The following FADS2 variants were observed in gnomAD, a reference collection of about 807,000 sequenced individuals.
The protein encoded by FADS2 is fatty acid desaturase 2.
FADS2 carries 18 observed loss-of-function variants against 61.2 expected under a neutral mutation model. The observed-to-expected ratio is 0.29, with a 90% CI of 0.20 to 0.44. The LOEUF is 0.44. Among genes scored for constraint, FADS2 ranks in the 20% least tolerant of loss-of-function variants. The probability of loss-of-function intolerance (pLI) is 1.00; values close to 1 mark genes in which losing one functional copy is unlikely to be tolerated. For missense variants in FADS2, 322 were observed against 572.7 expected (o/e 0.56, Z 4.47); for synonymous variants, 203 against 223.9 (o/e 0.91, Z 0.83).
chr11:61,854,003 G>T (rs552101024), intron 5 of FADS2, among the ~76,000 whole-genome samples: 1 of 152,158 alleles, frequency 6.6e-6, no homozygotes, highest in Admixed American at 6.5e-5. Context: ...AGTCAGCCCC[G>T]CCGCCAGGGC....
At chr11:61,850,924 A>C (rs918774025) in intron 5 of FADS2, among the ~76,000 whole-genome samples, 2 of 151,920 alleles carry the variant, frequency 1.3e-5, no homozygotes, top group Admixed American at 1.3e-4. Flanking sequence ...TGGTTTGTAC[A>C]CCCTCTTCTT....
At chr11:61,851,659 C>T (rs977867390) in intron 5 of FADS2, among the ~76,000 whole-genome samples, 12 of 152,196 alleles carry the variant, frequency 7.9e-5, no homozygotes, top group Admixed American at 7.2e-4. Context: ...CCAGGTGGGG[C>T]GGCCAGGTCC....
In FADS2 at chr11:61,828,565, G is replaced by A. The variant is rs1420563224; in HGVS notation, c.175G>A (p.Val59Ile). 1 of 1,613,980 alleles carries A rather than the reference G, an allele frequency of 6.2e-7. No homozygotes were observed. The highest frequency in any genetic ancestry group is 8.5e-7 in the Non-Finnish European group (1 of 1,179,982). The change falls in exon 1 of 12, where the codon GTC (valine) becomes ATC (isoleucine). Residue 59 changes from valine to isoleucine, a missense_variant. This residue lies in a region of FADS2 where 61 missense variants were observed against 107.4 expected (regional missense o/e 0.57). Transcript: ENST00000278840. This position sits in a 1 kb window ranked among gnomAD's most constrained non-coding sequence, Gnocchi z 6.4. Reference sequence around the variant, plus strand: ...CATCCAGCACCCGGGGGGCCAGCGGGTCATCGGGCACTACGCTGGAGAAGA... The same window carrying A: ...CATCCAGCACCCGGGGGGCCAGCGGATCATCGGGCACTACGCTGGAGAAGA... ...WSIQHPGGQR[V>I]IGHYAGEDAT...
At chr11:61,843,086 C>T (rs1039486923) in intron 4 of FADS2, among the ~76,000 whole-genome samples, 3 of 152,204 alleles carry the variant, frequency 2.0e-5, no homozygotes, top group African/African-American at 7.2e-5. Context: ...TTTACAAAGA[C>T]GATTCTGAGG....
chr11:61,826,374 A>G (rs746080325), upstream of FADS2: 2 of 702,572 alleles, frequency 2.8e-6, no homozygotes, highest in Non-Finnish European at 5.2e-6. Context: ...CAGGCCACCC[A>G]TACGTGCTCC....
intron 1 of FADS2, among the ~76,000 whole-genome samples, chr11:61,819,059 A>T (rs913182248): frequency 2.6e-5 from 4 of 151,954 alleles, no homozygotes; most frequent in Admixed American, 2.6e-4. Flanking sequence ...TATTTTTAGT[A>T]GAGTTGGGGT....
Position 61,816,814 on chromosome 11 carries a change from G to C in FADS2, c.141+388G>C, listed in dbSNP as rs555414942. On this transcript the variant is annotated intron_variant, in intron 1 of 11. Coordinates refer to the FADS2 transcript ENST00000257261. This position sits in a 1 kb window ranked among gnomAD's most constrained non-coding sequence, Gnocchi z 7.0. ...AGCAGGGGCTGTCAGGCGCGTGCTC[G>C]GGGTCCGCGGGCTCCAGGAGTGGAT... 132 of 1,493,058 alleles carry C rather than the reference G, an allele frequency of 8.8e-5. No individual in the cohort carries two copies. Among genetic ancestry groups the C allele is most frequent in the African/African-American group, 1.5e-4 (10 of 68,480 alleles). The allele number at this position is 1,493,058 out of a possible 1,614,324, so 92.5% of individuals were successfully genotyped here.
intron 1 of FADS2, chr11:61,821,269 C>A: frequency 3.2e-6 from 2 of 617,330 alleles, no homozygotes; most frequent in Non-Finnish European, 2.9e-6. Context: ...CCTATAATCC[C>A]AGTGCTTTGG....
chr11:61,853,290 CCCTTCCTTCCTTCCTTCCTT>C (rs59872671), intron 5 of FADS2, among the ~76,000 whole-genome samples: 13 of 81,748 alleles, frequency 1.6e-4, no homozygotes, highest in East Asian at 7.5e-4. Flanking sequence ...CTCCCTCCCT[CCCTTCCTTCCTTCCTTCCTT>C]CCTTCCTTCC....
In FADS2 at chr11:61,852,750, T is replaced by C. The variant is rs1028288715; in HGVS notation, c.745-4261T>C. Among the ~76,000 whole-genome samples the C allele has an allele frequency of 5.7e-4, 87 of 152,208 alleles. 1 individual carries two copies. The highest frequency in any genetic ancestry group is 1.2e-3 in the Non-Finnish European group (79 of 68,044). On this transcript the variant is annotated intron_variant, in intron 5 of 11. Coordinates refer to ENST00000278840, the MANE Select transcript of FADS2 (RefSeq NM_004265.4). ...ATGGCCTTCCAATGAATGGGATAGT[T>C]ATCTTTTGTCCCGCTAGTGTCCACT...
chr11:61,846,735 C>G (rs552675920), intron 4 of FADS2: 2 of 152,092 alleles, frequency 1.3e-5, no homozygotes, highest in African/African-American at 4.8e-5. Flanking sequence ...GCTGAGGAGA[C>G]GGACACCTGT....
intron 1 of FADS2, among the ~76,000 whole-genome samples, chr11:61,830,330 T>A (rs2067118468): frequency 6.6e-6 from 1 of 152,254 alleles, no homozygotes; most frequent in African/African-American, 2.4e-5. Flanking sequence ...GTTAAACATA[T>A]TTTCTTATGT....
chr11:61,826,074 T>C (rs2067082619), upstream of FADS2: 5 of 702,616 alleles, frequency 7.1e-6, no homozygotes, highest in South Asian at 1.5e-5. Context: ...TCTGGAGTTA[T>C]CTTTCTACAC....
chr11:61,824,502 G>GAAATAAGAAAGAAA (rs140558358), upstream of FADS2, among the ~76,000 whole-genome samples: 1 of 21,688 alleles, frequency 4.6e-5, no homozygotes, highest in Non-Finnish European at 9.6e-5. Flanking sequence ...AAGAAAGAAA[G>GAAATAAGAAAGAAA]GAAAGAAAGA....
intron 5 of FADS2, among the ~76,000 whole-genome samples, chr11:61,851,778 G>A (rs2135970414): frequency 6.6e-6 from 1 of 152,354 alleles, no homozygotes; most frequent in African/African-American, 2.4e-5. Context: ...CCCAGCACGT[G>A]GAACTGTGAA....
At chr11:61,832,747 G>A (rs773083895) in intron 1 of FADS2, among the ~76,000 whole-genome samples, 3 of 152,216 alleles carry the variant, frequency 2.0e-5, no homozygotes, top group African/African-American at 7.2e-5. Flanking sequence ...TTCCACTGGA[G>A]AATGCGAGGA....
upstream of FADS2, chr11:61,826,304 T>A: frequency 1.4e-6 from 1 of 702,602 alleles, no homozygotes; most frequent in African/African-American, 1.7e-5. Context: ...GCTGGTACTG[T>A]GCTGGGAGCC....
Position 61,828,492 on chromosome 11 carries a change from C to G in FADS2, c.102C>G (p.Asp34Glu), listed in dbSNP as rs1243556589. 1 of 1,613,180 alleles carries G rather than the reference C, an allele frequency of 6.2e-7. No individual in the cohort carries two copies. Among genetic ancestry groups the G allele is most frequent in the Admixed American group, 1.7e-5 (1 of 59,926 alleles). Residue 34 changes from aspartate to glutamate, a missense_variant, in exon 1 of 12, where the codon GAC becomes GAG. Asp to Glu is a conservative substitution (Grantham distance 45). Around this residue, in one of 3 missense-constraint regions of FADS2, gnomAD observed 61 missense variants for 107.4 expected, o/e 0.57. Transcript: ENST00000278840. This position sits in a 1 kb window ranked among gnomAD's most constrained non-coding sequence, Gnocchi z 6.4. ...EEIQKHNLRT[D>E]RWLVIDRKVY... ...TTCAGAAGCATAACCTGCGCACCGA[C>G]AGGTGGCTGGTCATTGACCGCAAGG...
At chr11:61,859,646 T>A (rs1229552794) in intron 7 of FADS2, among the ~76,000 whole-genome samples, 1 of 152,196 alleles carries the variant, frequency 6.6e-6, no homozygotes, top group East Asian at 1.9e-4. Context: ...TCCTTATACA[T>A]GTTACACCCT....
Sources: gnomAD v4.1 joint callset for allele counts (sites outside exome capture counted in the v4.1 genomes callset) on GRCh38, gnomAD v4.1.1 for gene constraint, gnomAD v4.1.1 regional missense constraint, Gnocchi (gnomAD v3.1) non-coding constraint, MANE v1.5 for transcripts, NCBI Gene and HGNC (gene_info 2026-07-23, HGNC 2026-07-21) for gene names.